TBX20: variants seen among roughly 807,000 people sequenced by gnomAD.
TBX20 encodes the protein T-box transcription factor TBX20.
A neutral mutation model predicts 42.9 loss-of-function variants in TBX20; 8 were observed. That is an observed-to-expected ratio of 0.19 (90% CI 0.11 to 0.34). The LOEUF (loss-of-function observed/expected upper bound fraction) is 0.34. TBX20 is among the 10% of genes least tolerant of loss of function. The probability of loss-of-function intolerance (pLI) is 1.00; values close to 1 mark genes in which losing one functional copy is unlikely to be tolerated. For missense variants in TBX20, 411 were observed against 566.0 expected, an observed-to-expected ratio of 0.73 and a Z score of 2.78; for synonymous variants, 198 against 222.8, an observed-to-expected ratio of 0.89 and a Z score of 0.99.
intron 4 of TBX20, among the ~76,000 whole-genome samples, chr7:35,242,462 G>C (rs1790102121): frequency 6.6e-6 from 1 of 152,068 alleles, no homozygotes; most frequent in African/African-American, 2.4e-5. Flanking sequence ...GAATAAAGTT[G>C]AAGCAGCAAA....
chr7:35,225,343 CATA>C lies in TBX20; in HGVS notation c.890+6158_890+6160del, dbSNP rs201725976. 9.4e-3 allele frequency among the ~76,000 whole-genome samples: 1,426 copies of C among 152,126 alleles called. 12 individuals carry two copies. The highest frequency in any genetic ancestry group is 0.014 in the Non-Finnish European group (933 of 68,000). ...AAATACAAAAATATACTTTATGTAA[CATA>C]ATAACCCAAATTATTATTTCAATAT... On this transcript the variant is annotated intron_variant, in intron 6 of 7. Coordinates refer to ENST00000408931, the MANE Select transcript of TBX20 (RefSeq NM_001077653.2).
At chr7:35,230,154 A>T (rs541569263) in intron 6 of TBX20, among the ~76,000 whole-genome samples, 3 of 152,172 alleles carry the variant, frequency 2.0e-5, no homozygotes, top group Non-Finnish European at 4.4e-5. Flanking sequence ...TCCCAACTAC[A>T]TAAACCCGGT....
intron 1 of TBX20, among the ~76,000 whole-genome samples, chr7:35,252,370 T>TAG (rs1554288018): frequency 3.4e-5 from 5 of 145,736 alleles, no homozygotes; most frequent in South Asian, 2.2e-4. Context: ...GGTGAAAACT[T>TAG]AGAGGACAGA....
In TBX20 at chr7:35,240,861, T is replaced by A; in HGVS notation, c.813+18A>T. ...TCCTTCTCTTATGCAGGAACTAAAT[T>A]GTGAACTGTACACTCACCAGTTGAT... is the stretch of plus-strand genomic sequence containing the variant. On this transcript the variant is annotated intron_variant, in intron 5 of 7. Transcript: ENST00000408931. 1 of 1,612,316 alleles carries A rather than the reference T, an allele frequency of 6.2e-7. No homozygotes were observed. Among genetic ancestry groups the A allele is most frequent in the Non-Finnish European group, 8.5e-7 (1 of 1,178,400 alleles).
intron 6 of TBX20, among the ~76,000 whole-genome samples, chr7:35,213,670 T>C (rs1018155566): frequency 2.0e-5 from 3 of 151,984 alleles, no homozygotes; most frequent in African/African-American, 7.2e-5. Context: ...ATTGGAAATA[T>C]CATGGGCTTT....
intron 1 of TBX20, among the ~76,000 whole-genome samples, chr7:35,250,904 G>C (rs1171224727): frequency 6.6e-6 from 1 of 152,200 alleles, no homozygotes; most frequent in East Asian, 1.9e-4. Flanking sequence ...ACAGGAGCAG[G>C]TTCTGTGGGC....
chr7:35,245,129 T>A, intron 3 of TBX20, 72 bp from the exon 4 acceptor site: 1 of 1,130,860 alleles, frequency 8.8e-7, no homozygotes, highest in Non-Finnish European at 1.3e-6. Flanking sequence ...TAAAATGTTC[T>A]AATTCTAAGG....
intron 3 of TBX20, among the ~76,000 whole-genome samples, chr7:35,245,349 T>TGTGTGTGTGG (rs1554287409): frequency 3.2e-4 from 49 of 151,512 alleles, no homozygotes; most frequent in African/African-American, 1.0e-3. Flanking sequence ...TGTGTGTGTG[T>TGTGTGTGTGG]TTTCATCTAT....
chr7:35,224,399 C>A (rs1242496538), intron 6 of TBX20, among the ~76,000 whole-genome samples: 4 of 152,280 alleles, frequency 2.6e-5, no homozygotes, highest in African/African-American at 9.6e-5. Flanking sequence ...GGGCTGGGCG[C>A]AGTGGCTCAA....
chr7:35,235,956 A>G (rs1789957589), intron 5 of TBX20, among the ~76,000 whole-genome samples: 1 of 152,110 alleles, frequency 6.6e-6, no homozygotes, highest in South Asian at 2.1e-4. Flanking sequence ...AACTTGACCT[A>G]CACTTCAACT....
chr7:35,214,966 G>A (rs1019198400), intron 6 of TBX20, among the ~76,000 whole-genome samples: 1 of 152,098 alleles, frequency 6.6e-6, no homozygotes, highest in African/African-American at 2.4e-5. Flanking sequence ...GCACATAACT[G>A]CTAAATTCAT....
chr7:35,250,244 C>G (rs1790279644), intron 1 of TBX20, 41 bp from the exon 2 acceptor site: 1 of 1,606,408 alleles, frequency 6.2e-7, no homozygotes, highest in Non-Finnish European at 8.5e-7. Flanking sequence ...TGACACTGTT[C>G]AACAAGGAAA....
rs748900621 is a variant in TBX20, at chr7:35,202,728, C to G, written c.1046G>C (p.Trp349Ser). Residue 349 changes from tryptophan (W) to serine (S), a missense_variant, in exon 8 of 8, where the codon TGG becomes TCG. Coordinates refer to ENST00000408931, the MANE Select transcript of TBX20 (RefSeq NM_001077653.2). ...TTSDNLSLSS[W>S]VSSSSSFPGF... Reference sequence around the variant, plus strand: ...AGGAAAACTGGAAGAAGATGATACCCAGGAGCTGAGAGACAAATTATCAGA... The same window carrying G: ...AGGAAAACTGGAAGAAGATGATACCGAGGAGCTGAGAGACAAATTATCAGA... 3.5e-5 allele frequency: 56 copies of G among 1,580,378 alleles called. No individual in the cohort carries two copies. The East Asian group carries it at 6.1e-4, about 17-fold the overall frequency.
chr7:35,253,019 T>C (rs1790334978), intron 1 of TBX20, among the ~76,000 whole-genome samples: 1 of 150,904 alleles, frequency 6.6e-6, no homozygotes, highest in South Asian at 2.1e-4. Flanking sequence ...AGAACTGGCT[T>C]ATTCTGCTTT....
At chr7:35,225,001 G>C (rs1279004997) in intron 6 of TBX20, among the ~76,000 whole-genome samples, 1 of 151,740 alleles carries the variant, frequency 6.6e-6, no homozygotes, top group East Asian at 1.9e-4. Flanking sequence ...ACAAGAAAAA[G>C]ATATTTTTAA....
chr7:35,241,496 G>T (rs1262386259), intron 4 of TBX20, among the ~76,000 whole-genome samples: 2 of 150,700 alleles, frequency 1.3e-5, no homozygotes, highest in Non-Finnish European at 3.0e-5. Flanking sequence ...ACAGACTTGG[G>T]TAAAAATTTT....
At chr7:35,234,397 T>C (rs1474678533) in intron 5 of TBX20, among the ~76,000 whole-genome samples, 1 of 152,200 alleles carries the variant, frequency 6.6e-6, no homozygotes, top group Non-Finnish European at 1.5e-5. Flanking sequence ...AGAAAATACA[T>C]ACTCTCAAAA....
chr7:35,248,653 A>C, intron 3 of TBX20, 24 bp downstream of exon 3: 1 of 1,613,510 alleles, frequency 6.2e-7, no homozygotes, highest in Non-Finnish European at 8.5e-7. Flanking sequence ...CAGTTTTCTC[A>C]GTGAAAAATC....
intron 1 of TBX20, among the ~76,000 whole-genome samples, chr7:35,252,070 A>T (rs940669206): frequency 1.3e-5 from 2 of 152,148 alleles, no homozygotes; most frequent in Non-Finnish European, 2.9e-5. Context: ...ATAAAGAGAG[A>T]AGGAAGCAAT....
Sources: allele counts gnomAD v4.1 joint callset (sites outside exome capture counted in the v4.1 genomes callset), GRCh38; gene constraint gnomAD v4.1.1; transcripts MANE v1.5; gene names NCBI Gene and HGNC (gene_info 2026-07-23, HGNC 2026-07-21).